The following PHF24 variants were observed in gnomAD, a reference collection of about 807,000 sequenced individuals.
PHF24 encodes Galpha inhibitory interacting protein.
A neutral mutation model predicts 42.6 loss-of-function variants in PHF24; 25 were observed. The observed-to-expected ratio is 0.59, with a 90% confidence interval of 0.43 to 0.82. The LOEUF (loss-of-function observed/expected upper bound fraction) is 0.82, where lower values mean the gene tolerates loss of function less well. Ranked by LOEUF, PHF24 falls within the 40% of genes least tolerant of loss-of-function variation. The probability of loss-of-function intolerance (pLI) is 0.00; values close to 1 mark genes in which losing one functional copy is unlikely to be tolerated. For synonymous variants in PHF24, 185 were observed against 204.8 expected (o/e 0.90, Z 0.83); for missense variants, 470 against 538.1 (o/e 0.87, Z 1.25).
the PHF24 span, among the ~76,000 whole-genome samples, chr9:34,826,879 G>A: frequency 6.6e-6 from 1 of 152,124 alleles, no homozygotes; most frequent in Non-Finnish European, 1.5e-5. Context: ...TTTGCTTCTT[G>A]CCTCTCTTCA....
the PHF24 span, chr9:34,665,979 T>G: frequency 2.3e-6 from 1 of 432,138 alleles, no homozygotes; most frequent in Non-Finnish European, 4.2e-6. Context: ...TGGGGTCACC[T>G]GGAGGGGGGG....
the PHF24 span, chr9:34,691,267 G>A: frequency 1.4e-6 from 1 of 691,316 alleles, no homozygotes; most frequent in Non-Finnish European, 2.4e-6. Context: ...AGTGATGTGA[G>A]GCTGGGAATG....
the PHF24 span, among the ~76,000 whole-genome samples, chr9:34,849,756 T>C: frequency 6.6e-6 from 1 of 152,044 alleles, no homozygotes; most frequent in Non-Finnish European, 1.5e-5. Context: ...TTCCTTTCCA[T>C]GTTTAGTGCT....
At chr9:34,863,274 G>C in the PHF24 span, among the ~76,000 whole-genome samples, 1 of 152,130 alleles carries the variant, frequency 6.6e-6, no homozygotes, top group African/African-American at 2.4e-5. Context: ...AGGGCCTTGA[G>C]CAAACATAGG....
At chr9:34,909,690 C>T in the PHF24 span, among the ~76,000 whole-genome samples, 3 of 150,978 alleles carry the variant, frequency 2.0e-5, no homozygotes, top group Non-Finnish European at 2.9e-5. Context: ...GGCGCGATCT[C>T]GGCTCACTGC....
chr9:34,835,304 T>C, the PHF24 span: 1 of 1,551,684 alleles, frequency 6.4e-7, no homozygotes, highest in South Asian at 1.2e-5. Context: ...TGGCTGGTCA[T>C]TTCCAGGTTG....
At chr9:34,713,551 A>C in the PHF24 span, among the ~76,000 whole-genome samples, 1 of 152,140 alleles carries the variant, frequency 6.6e-6, no homozygotes, top group Non-Finnish European at 1.5e-5. Context: ...CTTCTGAAAG[A>C]GTCGATTCCA....
the PHF24 span, chr9:34,835,339 A>G: frequency 1.9e-6 from 3 of 1,551,374 alleles, no homozygotes; most frequent in African/African-American, 4.1e-5. Context: ...GGTTTGGCAT[A>G]AGCTGCCTCA....
At chr9:34,875,054 TATTA>T in the PHF24 span, among the ~76,000 whole-genome samples, 4 of 152,198 alleles carry the variant, frequency 2.6e-5, no homozygotes, top group Admixed American at 6.5e-5. Context: ...TAGTAGGTCT[TATTA>T]ATTAATTCTA....
chr9:34,832,320 G>T, the PHF24 span: 2 of 639,646 alleles, frequency 3.1e-6, no homozygotes. Context: ...TGGTTGGGGG[G>T]CACAAGCCAC....
chr9:34,725,124 C>T, the PHF24 span: 4 of 1,550,190 alleles, frequency 2.6e-6, no homozygotes, highest in Non-Finnish European at 3.5e-6. Context: ...GCCAGGACCC[C>T]AGAAATTCTG....
At chr9:34,971,794 A>C (rs1243005639) in intron 2 of PHF24, 118 bp downstream of exon 2, 7 of 1,179,944 alleles carry the variant, frequency 5.9e-6, no homozygotes, top group African/African-American at 1.5e-5. Flanking sequence ...AGTCCAAAAA[A>C]ATCTTTGAAT....
At chr9:34,867,439 C>A in the PHF24 span, among the ~76,000 whole-genome samples, 1 of 151,988 alleles carries the variant, frequency 6.6e-6, no homozygotes, top group Non-Finnish European at 1.5e-5. Context: ...TAGACCCCTT[C>A]AGGGTCTACA....
chr9:34,977,197 T>C, exon 6 of PHF24: 2 of 1,613,108 alleles, frequency 1.2e-6, no homozygotes, highest in Non-Finnish European at 1.7e-6. Flanking sequence ...GGCCCAGCAC[T>C]CTTGGTTTTG....
chr9:34,949,848 G>A, the PHF24 span, among the ~76,000 whole-genome samples: 4 of 151,888 alleles, frequency 2.6e-5, no homozygotes, highest in Admixed American at 1.3e-4. Context: ...AGGGCCTCTC[G>A]GGGGTAGGGG....
chr9:34,863,658 C>A, the PHF24 span, among the ~76,000 whole-genome samples: 1 of 152,166 alleles, frequency 6.6e-6, no homozygotes, highest in African/African-American at 2.4e-5. Context: ...ACTGCAAAAC[C>A]CTCCCAAGGA....
chr9:34,693,403 C>T, the PHF24 span, among the ~76,000 whole-genome samples: 1 of 152,150 alleles, frequency 6.6e-6, no homozygotes, highest in Non-Finnish European at 1.5e-5. Context: ...GCAGTTCTGG[C>T]AGTGAATAAT....
chr9:34,739,498 G>T, the PHF24 span, among the ~76,000 whole-genome samples: 1 of 152,148 alleles, frequency 6.6e-6, no homozygotes, highest in Non-Finnish European at 1.5e-5. Flanking sequence ...TGGGTTCTTG[G>T]TCTCACTGAC....
At chr9:34,803,921 T>TA in the PHF24 span, among the ~76,000 whole-genome samples, 28 of 152,262 alleles carry the variant, frequency 1.8e-4, no homozygotes, top group South Asian at 8.3e-4. Context: ...CTGGAAGAAA[T>TA]TTCTAAGATT....
Sources: allele counts gnomAD v4.1 joint callset (sites outside exome capture counted in the v4.1 genomes callset), GRCh38; gene constraint gnomAD v4.1.1; transcripts MANE v1.5; gene names NCBI Gene and HGNC (gene_info 2026-07-23, HGNC 2026-07-21).